PINX1: variants seen among roughly 807,000 people sequenced by gnomAD.
PINX1 encodes the protein PIN2/TERF1-interacting telomerase inhibitor 1.
A neutral mutation model predicts 25.4 loss-of-function variants in PINX1; 34 were observed. The ratio of observed to expected loss-of-function variants is 1.34; its 90% CI spans 1.02 to 1.78. The LOEUF (loss-of-function observed/expected upper bound fraction) is 1.78, where lower values mean the gene tolerates loss of function less well. Among genes scored for constraint, PINX1 ranks in the 40% most tolerant of loss-of-function variants. The pLI is 0.00. For missense variants in PINX1, 592 were observed against 404.9 expected (o/e 1.46, Z -3.97); for synonymous variants, 197 against 147.7 (o/e 1.33, Z -2.42).
intron 3 of PINX1, among the ~76,000 whole-genome samples, chr8:10,832,101 T>G (rs1276824044): frequency 2.6e-5 from 4 of 152,062 alleles, no homozygotes; most frequent in South Asian, 2.1e-4. Flanking sequence ...AATTCCATAG[T>G]TGAAAGGACA....
intron 6 of PINX1, among the ~76,000 whole-genome samples, chr8:10,791,715 C>G (rs934281412): frequency 6.2e-4 from 94 of 152,194 alleles, no homozygotes; most frequent in African/African-American, 2.1e-3. Flanking sequence ...TCTGCTGGCC[C>G]CCTGGCTTTC....
At chr8:10,830,093 C>A (rs1212047889) in intron 4 of PINX1, among the ~76,000 whole-genome samples, 1 of 152,202 alleles carries the variant, frequency 6.6e-6, no homozygotes, top group Non-Finnish European at 1.5e-5. Flanking sequence ...ATAGATCCTG[C>A]ATTTCCTAAT....
At chr8:10,767,309 C>A (rs1801084774) in intron 6 of PINX1, among the ~76,000 whole-genome samples, 1 of 152,078 alleles carries the variant, frequency 6.6e-6, no homozygotes, top group Non-Finnish European at 1.5e-5. Flanking sequence ...AAGATAATGT[C>A]CCAGTTGCAG....
Position 10,765,453 on chromosome 8 carries a change from G to GCGTC in PINX1, c.931_934dup (p.Ala312GlyfsTer43), listed in dbSNP as rs1392388585. 1.2e-6 allele frequency: 2 copies of GCGTC among 1,612,534 alleles called. No homozygotes were observed. The highest frequency in any genetic ancestry group is 1.7e-6 in the Non-Finnish European group (2 of 1,179,690). ...TTTCACTAGCGTTTCTTCTAGTGTA[G>GCGTC]CGTCCTCTGCTATCTCTACTGGTTT... On this transcript the variant is annotated frameshift_variant, in exon 7 of 7. Coordinates refer to ENST00000314787, the MANE Select transcript of PINX1 (RefSeq NM_017884.6). LOFTEE classifies it low-confidence loss of function (END_TRUNC).
rs768519713 is a variant in PINX1, at chr8:10,765,772, G to A, written c.616C>T (p.Gln206Ter). The A allele has an allele frequency of 6.2e-7, 1 of 1,613,826 alleles. No homozygotes were observed. Among genetic ancestry groups the A allele is most frequent in the East Asian group, 2.2e-5 (1 of 44,872 alleles). Residue 206 changes from glutamine to a stop codon, truncating the protein, a stop_gained, in exon 7 of 7, where the codon CAG becomes TAG. Transcript: ENST00000314787. LOFTEE classifies it low-confidence loss of function (END_TRUNC). ...TTCTTCCCCCTTTTACGTTCCACCT[G>A]CGTCTCAGAAATGTCAGACCCTGGA... ...PVPGSDISETQVERKRGKKRN... is the reference protein window; with the variant it reads ...PVPGSDISET
chr8:10,828,931 G>A (rs550443738), intron 4 of PINX1, among the ~76,000 whole-genome samples: 2 of 152,310 alleles, frequency 1.3e-5, no homozygotes, highest in African/African-American at 4.8e-5. Context: ...CTGCCAAAGA[G>A]ATGTGTTTAA....
chr8:10,832,923 T>A lies in PINX1; in HGVS notation c.191A>T (p.His64Leu), dbSNP rs555750544. ...ATTGATGGTAGCTCCGAGTCCCAGG[T>A]GGTTATTTTTCACTTGAACTTTAAT... ...DHIKVQVKNNHLGLGATINNE... is the reference protein window; with the variant it reads ...DHIKVQVKNNLLGLGATINNE... Residue 64 changes from histidine (H) to leucine (L), a missense_variant, in exon 3 of 7, where the codon CAC (histidine) becomes CTC (leucine). By Grantham distance (99) the His-to-Leu change is moderately conservative. Transcript: ENST00000314787. 45 of 1,611,858 alleles carry A rather than the reference T, an allele frequency of 2.8e-5. No homozygotes were observed. Among genetic ancestry groups the A allele is most frequent in the East Asian group, 2.5e-4 (11 of 44,860 alleles).
chr8:10,827,643 A>C (rs1798096264), intron 4 of PINX1, among the ~76,000 whole-genome samples: 1 of 151,830 alleles, frequency 6.6e-6, no homozygotes, highest in African/African-American at 2.4e-5. Flanking sequence ...GCGGTGGCTC[A>C]TGCCTGTAAT....
At chr8:10,793,532 T>C (rs1413861582) in intron 6 of PINX1, among the ~76,000 whole-genome samples, 1 of 152,224 alleles carries the variant, frequency 6.6e-6, no homozygotes, top group Non-Finnish European at 1.5e-5. Context: ...AAAGCCGCCC[T>C]GGGCAGCATG....
rs745731336 is a variant in PINX1, at chr8:10,765,391, T to C, written c.*10A>G. ...AGCTGAGTGGTCGGAAGGCCCCGGC[T>C]GGGAAGGATTCATTTGGAATCTTTC... On this transcript the variant is annotated 3_prime_UTR_variant, in exon 7 of 7. Transcript: ENST00000314787. 1.9e-6 allele frequency: 3 copies of C among 1,584,786 alleles called. No individual in the cohort carries two copies. Among genetic ancestry groups the C allele is most frequent in the Non-Finnish European group, 2.6e-6 (3 of 1,169,670 alleles).
intron 6 of PINX1, among the ~76,000 whole-genome samples, chr8:10,781,755 C>A (rs989393208): frequency 1.1e-5 from 1 of 91,740 alleles, no homozygotes; most frequent in Admixed American, 9.5e-5. Flanking sequence ...GATTGGCATA[C>A]CCTCAAAGAA....
At chr8:10,781,455 T>A (rs985202809) in intron 6 of PINX1, among the ~76,000 whole-genome samples, 1 of 152,232 alleles carries the variant, frequency 6.6e-6, no homozygotes, top group Non-Finnish European at 1.5e-5. Context: ...GTATCTGATA[T>A]AAAGTTAATA....
intron 6 of PINX1, among the ~76,000 whole-genome samples, chr8:10,812,696 G>A (rs1797566158): frequency 6.6e-6 from 1 of 152,166 alleles, no homozygotes; most frequent in Admixed American, 6.5e-5. Flanking sequence ...CGTACTCCTT[G>A]AAAACATGAC....
chr8:10,806,949 A>G (rs1308541612), intron 6 of PINX1, among the ~76,000 whole-genome samples: 1 of 152,096 alleles, frequency 6.6e-6, no homozygotes. Context: ...GAAATGGCAA[A>G]CTCCCCATCT....
rs762837991 is a variant in PINX1 at position 10,765,497 on chromosome 8, TCTC to T, written c.888_890del (p.Arg297del). Reference sequence around the variant, plus strand: ...CTGGTTTTTGCAGCTTTTTCTTCCCTCTCCTCTTTTTGGGCTTCAGGGTGAAGT... The same window carrying T: ...CTGGTTTTTGCAGCTTTTTCTTCCCTCTCTTTTTGGGCTTCAGGGTGAAGT... On this transcript the variant is annotated inframe_deletion, in exon 7 of 7. Transcript: ENST00000314787. The T allele has an allele frequency of 6.2e-7, 1 of 1,613,658 alleles. No individual in the cohort carries two copies. Among genetic ancestry groups the T allele is most frequent in the Non-Finnish European group, 8.5e-7 (1 of 1,179,882 alleles).
At chr8:10,834,543 G>C (rs1798335563) in intron 2 of PINX1, 123 bp downstream of exon 2, 1 of 1,360,668 alleles carries the variant, frequency 7.3e-7, no homozygotes. Flanking sequence ...TTTTTGATTT[G>C]GGATCAAAAT....
chr8:10,781,661 G>C lies in PINX1; in HGVS notation c.472-15745C>G, dbSNP rs184861630. Among the ~76,000 whole-genome samples, 386 of 152,290 alleles carry C rather than the reference G, an allele frequency of 2.5e-3. 1 individual carries two copies. The highest frequency in any genetic ancestry group is 8.7e-3 in the African/African-American group (363 of 41,562). ...ATATCATCCCACACCCATTAGGAGA[G>C]TTATTATCAAAAAGATAAGAGATAA... On this transcript the variant is annotated intron_variant, in intron 6 of 6. Coordinates refer to ENST00000314787, the MANE Select transcript of PINX1 (RefSeq NM_017884.6).
At chr8:10,782,769 T>G (rs550213808) in intron 6 of PINX1, among the ~76,000 whole-genome samples, 1 of 143,312 alleles carries the variant, frequency 7.0e-6, no homozygotes, top group Admixed American at 6.7e-5. Context: ...AGACTCCCAC[T>G]GGGTAGAAAT....
At chr8:10,816,673 C>T (rs6992039) in intron 6 of PINX1, among the ~76,000 whole-genome samples, 34,882 of 152,206 alleles carry the variant, frequency 0.23, 4,185 homozygotes, top group East Asian at 0.32. Flanking sequence ...AGTTACGATA[C>T]AGCATCAACC....
Sources: gnomAD v4.1 joint callset for allele counts (sites outside exome capture counted in the v4.1 genomes callset) on GRCh38, gnomAD v4.1.1 for gene constraint, MANE v1.5 for transcripts, NCBI Gene and HGNC (gene_info 2026-07-23, HGNC 2026-07-21) for gene names.